Variants in TMEM53 observed in about 807,000 individuals in gnomAD.
TMEM53 encodes novel DUF829 domain-containing protein.
In TMEM53, 14 loss-of-function variants were observed where a neutral mutation model predicts 21.4. The ratio of observed to expected loss-of-function variants is 0.65; its 90% confidence interval spans 0.43 to 1.02. The LOEUF (loss-of-function observed/expected upper bound fraction) is 1.02, where lower values mean the gene tolerates loss of function less well. Among genes scored for constraint, TMEM53 ranks in the 50% least tolerant of loss-of-function variants. The pLI, the probability that TMEM53 is intolerant of heterozygous loss-of-function variation, is 0.00. For synonymous variants in TMEM53, 148 were observed against 157.4 expected (o/e 0.94, Z 0.45); for missense variants, 323 against 383.6 (o/e 0.84, Z 1.32).
At chr1:44,671,582 T>A (rs985778308) in intron 1 of TMEM53, among the ~76,000 whole-genome samples, 17 of 152,052 alleles carry the variant, frequency 1.1e-4, no homozygotes, top group African/African-American at 3.6e-4. Context: ...GGCAATACAG[T>A]AAGACTCTGT....
At chr1:44,665,899 ATTTCAAAGG>A (rs1644945011) in intron 1 of TMEM53, among the ~76,000 whole-genome samples, 1 of 152,186 alleles carries the variant, frequency 6.6e-6, no homozygotes, top group African/African-American at 2.4e-5. Flanking sequence ...AAAACTTTTT[ATTTCAAAGG>A]ACATAATCCA....
chr1:44,659,434 T>C (rs962384355), intron 2 of TMEM53, among the ~76,000 whole-genome samples: 1 of 152,194 alleles, frequency 6.6e-6, no homozygotes, highest in Non-Finnish European at 1.5e-5. Context: ...AACCAGGTCC[T>C]GCTAAGGCCC....
In TMEM53 at chr1:44,655,332, A is replaced by G; in HGVS notation, c.184-123T>C. 1 of 989,944 alleles carries G rather than the reference A, an allele frequency of 1.0e-6. No individual in the cohort carries two copies. Among genetic ancestry groups the G allele is most frequent in the Non-Finnish European group, 1.4e-6 (1 of 691,462 alleles). The allele number at this position is 989,944 out of a possible 1,614,324, so 61.3% of individuals were successfully genotyped here. On this transcript the variant is annotated intron_variant, in intron 2 of 2. Coordinates refer to ENST00000372237, the MANE Select transcript of TMEM53 (RefSeq NM_024587.4). The surrounding 1 kb of genome is among the most constrained non-coding windows in gnomAD (Gnocchi z 4.4). The stretch of plus-strand genomic sequence containing the variant: ...AGGCCATGGGGCCCACAGCGTCAGC[A>G]ATGCTCTGGGTCCTGCTTCAGCCTG...
chr1:44,660,658 G>A (rs565034232), intron 1 of TMEM53, among the ~76,000 whole-genome samples: 36 of 152,180 alleles, frequency 2.4e-4, no homozygotes, highest in Non-Finnish European at 1.6e-4. Context: ...TATGGCCTGC[G>A]AGCTAAACTA....
chr1:44,671,529 C>A (rs983206774), intron 1 of TMEM53, among the ~76,000 whole-genome samples: 1 of 152,032 alleles, frequency 6.6e-6, no homozygotes, highest in Non-Finnish European at 1.5e-5. Context: ...TGGGAGGCTG[C>A]GATAGGAGGA....
intron 1 of TMEM53, chr1:44,673,862 G>C (rs973695525): frequency 4.1e-6 from 4 of 985,320 alleles, no homozygotes; most frequent in Non-Finnish European, 4.8e-6. Context: ...CGAGAAGAGT[G>C]GAGAGGGACG....
At chr1:44,669,446 GC>G (rs753450690) in intron 1 of TMEM53, among the ~76,000 whole-genome samples, 2 of 152,152 alleles carry the variant, frequency 1.3e-5, no homozygotes, top group Non-Finnish European at 2.9e-5. Context: ...TATTCAGGCA[GC>G]CCCTCCTAAT....
intron 2 of TMEM53, 101 bp downstream of exon 2, chr1:44,660,073 G>A: frequency 7.0e-7 from 1 of 1,425,196 alleles, no homozygotes; most frequent in East Asian, 2.5e-5. Context: ...GGCCAGGCTG[G>A]TCTCGAACTC....
chr1:44,661,882 C>A (rs985510603), intron 1 of TMEM53, among the ~76,000 whole-genome samples: 2 of 152,188 alleles, frequency 1.3e-5, no homozygotes, highest in South Asian at 4.1e-4. Context: ...GTCAAACAGA[C>A]CTCATCTCAT....
intron 2 of TMEM53, among the ~76,000 whole-genome samples, chr1:44,658,646 G>A (rs946335547): frequency 6.6e-6 from 1 of 152,258 alleles, no homozygotes; most frequent in Middle Eastern, 3.4e-3. Context: ...CACCTCCCAG[G>A]TTCAAGCGAT....
chr1:44,658,176 T>G (rs533251716), intron 2 of TMEM53, among the ~76,000 whole-genome samples: 69 of 152,218 alleles, frequency 4.5e-4, no homozygotes, highest in African/African-American at 1.3e-3. Flanking sequence ...TCCATTAAGT[T>G]TGGGTTCCTC....
intron 1 of TMEM53, among the ~76,000 whole-genome samples, chr1:44,667,435 G>C (rs1644959073): frequency 6.6e-6 from 1 of 151,234 alleles, no homozygotes; most frequent in Non-Finnish European, 1.5e-5. Context: ...AGCCTCCCTA[G>C]TTGCTGGGAT....
chr1:44,661,150 C>T (rs1012688194), intron 1 of TMEM53, among the ~76,000 whole-genome samples: 5 of 152,090 alleles, frequency 3.3e-5, no homozygotes, highest in Non-Finnish European at 4.4e-5. Flanking sequence ...CAAGATCGAG[C>T]GACTCACAAA....
intron 1 of TMEM53, among the ~76,000 whole-genome samples, chr1:44,673,397 G>C (rs750585807): frequency 6.6e-6 from 1 of 152,214 alleles, no homozygotes; most frequent in Non-Finnish European, 1.5e-5. Flanking sequence ...CAGGCAGTGA[G>C]ACAGGAGGCG....
chr1:44,673,895 CT>C, intron 1 of TMEM53: 2 of 985,436 alleles, frequency 2.0e-6, no homozygotes, highest in Non-Finnish European at 2.4e-6. Flanking sequence ...GAGTCCCGGG[CT>C]TCTGCGAGGA....
chr1:44,669,909 C>CT (rs1644984229), intron 1 of TMEM53, among the ~76,000 whole-genome samples: 1 of 151,638 alleles, frequency 6.6e-6, no homozygotes, highest in African/African-American at 2.4e-5. Flanking sequence ...AGCGATTCTC[C>CT]TGCCTCAGCC....
chr1:44,672,972 T>C (rs775958443), intron 1 of TMEM53, among the ~76,000 whole-genome samples: 1 of 152,146 alleles, frequency 6.6e-6, no homozygotes, highest in South Asian at 2.1e-4. Context: ...GCCAAAGACA[T>C]ATAACTTGTA....
chr1:44,659,582 A>G (rs1644880451), intron 2 of TMEM53, among the ~76,000 whole-genome samples: 1 of 152,224 alleles, frequency 6.6e-6, no homozygotes, highest in Non-Finnish European at 1.5e-5. Flanking sequence ...ACCTGGTGGG[A>G]AAGGAGGAGG....
chr1:44,662,907 A>C (rs1644914077), intron 1 of TMEM53, among the ~76,000 whole-genome samples: 1 of 152,106 alleles, frequency 6.6e-6, no homozygotes, highest in Non-Finnish European at 1.5e-5. Flanking sequence ...TGGGATTTGT[A>C]ACTCCGTTTT....
Sources: gnomAD v4.1 joint callset for allele counts (sites outside exome capture counted in the v4.1 genomes callset) on GRCh38, gnomAD v4.1.1 for gene constraint, Gnocchi (gnomAD v3.1) non-coding constraint, MANE v1.5 for transcripts, NCBI Gene and HGNC (gene_info 2026-07-23, HGNC 2026-07-21) for gene names.